The following COL5A2 variants were observed in gnomAD, a reference collection of about 807,000 sequenced individuals.
The protein encoded by COL5A2 is collagen alpha-2(V) chain.
COL5A2 carries 23 observed loss-of-function variants against 208.2 expected under a neutral mutation model. The observed-to-expected ratio is 0.11, with a 90% CI of 0.08 to 0.16. The LOEUF is 0.16. COL5A2 is among the 10% of genes least tolerant of loss of function. The pLI is 1.00. For missense variants in COL5A2, 1,590 were observed against 1,956.4 expected (o/e 0.81, Z 3.53); for synonymous variants, 625 against 628.5 (o/e 0.99, Z 0.08).
At chr2:189,174,408 C>T (rs1688638365) in intron 1 of COL5A2, among the ~76,000 whole-genome samples, 1 of 152,192 alleles carries the variant, frequency 6.6e-6, no homozygotes, top group Admixed American at 6.5e-5. Context: ...GTGATGGTGA[C>T]TTTGCAATGG....
At chr2:189,306,062 TC>T in the COL5A2 span, among the ~76,000 whole-genome samples, 2 of 152,196 alleles carry the variant, frequency 1.3e-5, no homozygotes, top group African/African-American at 4.8e-5. Context: ...GAAGCAATGT[TC>T]TCTGAGAATG....
At chr2:189,095,511 CACAA>C (rs1173856579) in intron 6 of COL5A2, among the ~76,000 whole-genome samples, 1 of 152,014 alleles carries the variant, frequency 6.6e-6, no homozygotes, top group Non-Finnish European at 1.5e-5. Context: ...TACACACACA[CACAA>C]ACACACACAC....
chr2:189,243,551 A>G, the COL5A2 span, among the ~76,000 whole-genome samples: 1 of 152,112 alleles, frequency 6.6e-6, no homozygotes, highest in Non-Finnish European at 1.5e-5. Flanking sequence ...CTATGATTCA[A>G]CTACCTCCCA....
the COL5A2 span, among the ~76,000 whole-genome samples, chr2:189,278,551 TA>T: frequency 1.3e-5 from 2 of 152,124 alleles, no homozygotes; most frequent in African/African-American, 4.8e-5. Flanking sequence ...CCTTTACTCT[TA>T]AAATCCATTA....
At chr2:189,418,677 T>C in the COL5A2 span, among the ~76,000 whole-genome samples, 2 of 152,204 alleles carry the variant, frequency 1.3e-5, no homozygotes, top group Admixed American at 1.3e-4. Flanking sequence ...AGAGAAGTCT[T>C]TGTACTTCCT....
chr2:189,077,768 T>C (rs1405357104), intron 16 of COL5A2, among the ~76,000 whole-genome samples: 1 of 152,108 alleles, frequency 6.6e-6, no homozygotes, highest in Non-Finnish European at 1.5e-5. Flanking sequence ...TTGTCCTCTA[T>C]GGGCTGGAGG....
intron 52 of COL5A2, among the ~76,000 whole-genome samples, chr2:189,036,294 T>C (rs535466751): frequency 3.2e-4 from 49 of 152,246 alleles, no homozygotes; most frequent in Non-Finnish European, 5.7e-4. Context: ...GTTTATCAAC[T>C]ATGGCACTAT....
the COL5A2 span, among the ~76,000 whole-genome samples, chr2:189,322,274 A>G: frequency 6.6e-6 from 1 of 152,218 alleles, no homozygotes; most frequent in East Asian, 1.9e-4. Flanking sequence ...AGAACTAGAG[A>G]AGCAAGAGCA....
the COL5A2 span, among the ~76,000 whole-genome samples, chr2:189,409,321 T>G: frequency 6.6e-6 from 1 of 151,490 alleles, no homozygotes; most frequent in African/African-American, 2.4e-5. Flanking sequence ...AAGCAATTTT[T>G]CCAACTCAGC....
chr2:189,121,322 T>C (rs1687495781), intron 1 of COL5A2, among the ~76,000 whole-genome samples: 1 of 152,180 alleles, frequency 6.6e-6, no homozygotes, highest in African/African-American at 2.4e-5. Context: ...TTCCTGGTAA[T>C]TGGCAACAGA....
rs776302656 is a variant in COL5A2, at chr2:189,058,520, C to A, written c.2138G>T (p.Arg713Leu). The change falls in exon 33 of 54, where the codon CGA becomes CTA. Residue 713 changes from arginine (R) to leucine (L), a missense_variant. Coordinates refer to ENST00000374866, the MANE Select transcript of COL5A2 (RefSeq NM_000393.5). Reference protein sequence around the residue: ...AVGPLGPRGERGNPGERGEPG... With the variant: ...AVGPLGPRGELGNPGERGEPG... ...TTCTCCTCTTTCCCCAGGATTTCCT[C>A]GTTCTCCCTAGCACAAAATTGGGAT... 1.2e-6 allele frequency: 2 copies of A among 1,613,454 alleles called. No individual in the cohort carries two copies. Among genetic ancestry groups the A allele is most frequent in the African/African-American group, 2.7e-5 (2 of 74,904 alleles).
intron 1 of COL5A2, among the ~76,000 whole-genome samples, chr2:189,129,646 G>C (rs73980160): frequency 6.6e-5 from 10 of 152,018 alleles, no homozygotes; most frequent in African/African-American, 2.4e-4. Flanking sequence ...GTATGATTTA[G>C]GAAATCATTT....
intron 1 of COL5A2, among the ~76,000 whole-genome samples, chr2:189,127,289 C>T (rs1052112654): frequency 1.6e-4 from 24 of 152,134 alleles, no homozygotes; most frequent in African/African-American, 5.5e-4. Context: ...TTCTGATGGC[C>T]TTCAGTCTTC....
chr2:189,342,674 C>G, the COL5A2 span, among the ~76,000 whole-genome samples: 2 of 147,162 alleles, frequency 1.4e-5, no homozygotes, highest in South Asian at 4.3e-4. Flanking sequence ...CACACACACA[C>G]ACACACAATA....
intron 1 of COL5A2, among the ~76,000 whole-genome samples, chr2:189,115,257 G>C (rs1374251176): frequency 6.6e-6 from 1 of 151,872 alleles, no homozygotes; most frequent in Non-Finnish European, 1.5e-5. Context: ...TTTAAATTTA[G>C]TTGTAAGAAT....
the COL5A2 span, among the ~76,000 whole-genome samples, chr2:189,292,864 G>T: frequency 1.3e-5 from 2 of 152,020 alleles, no homozygotes; most frequent in Non-Finnish European, 2.9e-5. Context: ...CAAATGTCCA[G>T]CAATGATAGA....
At chr2:189,414,479 G>A in the COL5A2 span, among the ~76,000 whole-genome samples, 28 of 152,006 alleles carry the variant, frequency 1.8e-4, no homozygotes, top group African/African-American at 6.5e-4. Flanking sequence ...TTCTAAGCTG[G>A]GCGCAGTGGT....
intron 1 of COL5A2, among the ~76,000 whole-genome samples, chr2:189,219,008 T>A (rs1049254395): frequency 2.0e-5 from 3 of 152,186 alleles, no homozygotes; most frequent in Admixed American, 6.5e-5. Context: ...TTTTACTGTA[T>A]CTGATTTACC....
At chr2:189,180,733 T>C (rs940406438), upstream of COL5A2, among the ~76,000 whole-genome samples, 6 of 152,232 alleles carry the variant, frequency 3.9e-5, no homozygotes, top group Non-Finnish European at 5.9e-5. Flanking sequence ...GGTGGTATTA[T>C]TAGCTTTAAG....
Sources: allele counts gnomAD v4.1 joint callset (sites outside exome capture counted in the v4.1 genomes callset), GRCh38; gene constraint gnomAD v4.1.1; transcripts MANE v1.5; gene names NCBI Gene and HGNC (gene_info 2026-07-23, HGNC 2026-07-21).